The following DIAPH2 variants were observed in gnomAD, a reference collection of about 807,000 sequenced individuals.
The protein encoded by DIAPH2 is protein diaphanous homolog 2.
In DIAPH2, 35 loss-of-function variants were observed where a neutral mutation model predicts 92.7. That is an observed-to-expected ratio of 0.38 (90% CI 0.29 to 0.50). DIAPH2 has a LOEUF of 0.50. Ranked by LOEUF, DIAPH2 falls within the 20% of genes least tolerant of loss-of-function variation. The probability of loss-of-function intolerance (pLI) is 0.94; values close to 1 mark genes in which losing one functional copy is unlikely to be tolerated. For missense variants in DIAPH2, 701 were observed against 819.5 expected (o/e 0.86, Z 1.77); for synonymous variants, 301 against 280.4 (o/e 1.07, Z -0.73).
At chrX:97,594,674 C>A (rs1324322332) in intron 26 of DIAPH2, among the ~76,000 whole-genome samples, 3 of 112,773 alleles carry the variant, frequency 2.7e-5, no homozygotes, top group South Asian at 7.2e-4. Context: ...GAAAGCAAAG[C>A]TCATTGTAAA....
intron 3 of DIAPH2, among the ~76,000 whole-genome samples, chrX:96,753,829 T>C (rs1017750047): frequency 8.9e-6 from 1 of 112,185 alleles, no homozygotes; most frequent in African/African-American, 3.2e-5. Context: ...GATCAAAATG[T>C]CTTAATGAAA....
chrX:97,394,169 A>G (rs1685148286), intron 25 of DIAPH2, among the ~76,000 whole-genome samples: 1 of 112,034 alleles, frequency 8.9e-6, no homozygotes, highest in African/African-American at 3.2e-5. Flanking sequence ...CCAAAATTAT[A>G]GATTAGAAAA....
chrX:96,718,345 T>G (rs1395778902), intron 1 of DIAPH2, among the ~76,000 whole-genome samples: 4 of 50,860 alleles, frequency 7.9e-5, no homozygotes, highest in Non-Finnish European at 1.5e-4. Flanking sequence ...TGTTTTTTTT[T>G]TTTTTTTTTT....
chrX:97,114,586 CA>C lies in DIAPH2; in HGVS notation c.2350-134del, dbSNP rs1436408718. 11 of 570,383 alleles carry C rather than the reference CA, an allele frequency of 1.9e-5. No individual in the cohort carries two copies. In the East Asian group the frequency reaches 2.4e-4, roughly 13 times the overall value. 47.0% of individuals were successfully genotyped at this position (570,383 alleles called of 1,213,427 possible). Reference sequence around the variant, plus strand: ...AACTATTTCTTTGGAATGTTTAAAACAAAAAAGATTTTTAAAATCCCAGAGC... The same window carrying C: ...AACTATTTCTTTGGAATGTTTAAAACAAAAAGATTTTTAAAATCCCAGAGC... On this transcript the variant is annotated intron_variant, in intron 20 of 26. Transcript: ENST00000324765.
intron 4 of DIAPH2, among the ~76,000 whole-genome samples, chrX:96,800,482 C>A (rs1287629337): frequency 1.8e-5 from 2 of 111,863 alleles, no homozygotes; most frequent in Admixed American, 1.9e-4. Context: ...AAAGCATGTC[C>A]TTTCCTCTCC....
chrX:97,229,091 A>G (rs1165923995), intron 22 of DIAPH2, among the ~76,000 whole-genome samples: 1 of 111,591 alleles, frequency 9.0e-6, no homozygotes, highest in Non-Finnish European at 1.9e-5. Flanking sequence ...CACCATGGCG[A>G]TTGTGACTAT....
At chrX:97,165,907 T>C (rs2067409146) in intron 22 of DIAPH2, among the ~76,000 whole-genome samples, 1 of 110,862 alleles carries the variant, frequency 9.0e-6, no homozygotes, top group South Asian at 3.8e-4. Context: ...CTACTCTCTC[T>C]CTCTCTCTGT....
At chrX:97,204,108 A>G (rs1285762596) in intron 22 of DIAPH2, among the ~76,000 whole-genome samples, 3 of 112,190 alleles carry the variant, frequency 2.7e-5, no homozygotes, top group Non-Finnish European at 3.8e-5. Flanking sequence ...AAAGGCCTTC[A>G]ATAAAATTCA....
intron 22 of DIAPH2, among the ~76,000 whole-genome samples, chrX:97,187,339 C>T (rs1368343414): frequency 1.3e-5 from 1 of 79,806 alleles, no homozygotes; most frequent in Non-Finnish European, 2.2e-5. Context: ...GGCTGGAGTG[C>T]AGTGGTGCTC....
intron 26 of DIAPH2, among the ~76,000 whole-genome samples, chrX:97,589,968 A>G (rs2071506486): frequency 8.9e-6 from 1 of 112,419 alleles, no homozygotes; most frequent in Admixed American, 9.5e-5. Flanking sequence ...GTATTTTAAA[A>G]CAATGGCACC....
chrX:97,049,013 AG>A (rs200404594), intron 17 of DIAPH2, among the ~76,000 whole-genome samples: 3,873 of 109,819 alleles, frequency 0.035, 85 homozygotes, highest in Middle Eastern at 0.079. Context: ...CCTGGATGCT[AG>A]GTGTGTGCTC....
chrX:97,185,499 A>ATGTG (rs2067595026), intron 22 of DIAPH2, among the ~76,000 whole-genome samples: 17 of 55,294 alleles, frequency 3.1e-4, no homozygotes, highest in African/African-American at 1.1e-3. Context: ...ATATATATAT[A>ATGTG]TATATATATA....
At chrX:97,009,648 A>G (rs2066210236) in intron 17 of DIAPH2, among the ~76,000 whole-genome samples, 1 of 112,173 alleles carries the variant, frequency 8.9e-6, no homozygotes, top group South Asian at 3.7e-4. Flanking sequence ...TAAGCAGGTG[A>G]TGAATCCTGC....
At chrX:97,176,648 C>G (rs763493041) in intron 22 of DIAPH2, among the ~76,000 whole-genome samples, 5 of 111,172 alleles carry the variant, frequency 4.5e-5, no homozygotes, top group African/African-American at 1.6e-4. Context: ...CTGCCTCAGC[C>G]TCCCGAGTAG....
intron 14 of DIAPH2, among the ~76,000 whole-genome samples, chrX:96,947,725 C>G (rs2065747039): frequency 8.9e-6 from 1 of 112,068 alleles, no homozygotes; most frequent in Admixed American, 9.4e-5. Context: ...CATTGTTCCA[C>G]AAACTCTTAA....
chrX:97,516,422 G>T (rs918558418), intron 26 of DIAPH2, among the ~76,000 whole-genome samples: 7 of 111,608 alleles, frequency 6.3e-5, no homozygotes, highest in Admixed American at 4.8e-4. Context: ...AGAATTATAT[G>T]CAAAAACAAA....
At chrX:97,015,757 C>A (rs1474864946) in intron 17 of DIAPH2, among the ~76,000 whole-genome samples, 1 of 98,707 alleles carries the variant, frequency 1.0e-5, no homozygotes, top group African/African-American at 3.9e-5. Flanking sequence ...CACTGCACTC[C>A]AGCCTGGGCG....
At chrX:97,499,592 A>G (rs370864737) in intron 26 of DIAPH2, among the ~76,000 whole-genome samples, 21 of 111,679 alleles carry the variant, frequency 1.9e-4, no homozygotes, top group African/African-American at 6.5e-4. Flanking sequence ...CAGTCCCACT[A>G]TTGGGCATCT....
At chrX:97,005,908 CTTTTTTTTTTTT>C (rs58056111) in intron 17 of DIAPH2, among the ~76,000 whole-genome samples, 1 of 68,165 alleles carries the variant, frequency 1.5e-5, no homozygotes, top group Non-Finnish European at 2.7e-5. Flanking sequence ...TGAAGTTTTT[CTTTTTTTTTTTT>C]TTTTTTTTGA....
Sources: allele counts gnomAD v4.1 joint callset (sites outside exome capture counted in the v4.1 genomes callset), GRCh38; gene constraint gnomAD v4.1.1; transcripts MANE v1.5; gene names NCBI Gene and HGNC (gene_info 2026-07-23, HGNC 2026-07-21).